TASOR2: variants seen among roughly 807,000 people sequenced by gnomAD.
TASOR2 encodes the protein protein TASOR 2.
A neutral mutation model predicts 199.5 loss-of-function variants in TASOR2; 84 were observed. The ratio of observed to expected loss-of-function variants is 0.42; its 90% confidence interval spans 0.35 to 0.50. TASOR2 has a LOEUF of 0.50. TASOR2 is among the 20% of genes least tolerant of loss of function. The probability of loss-of-function intolerance (pLI) is 0.02; values close to 1 mark genes in which losing one functional copy is unlikely to be tolerated. For synonymous variants in TASOR2, 1,103 were observed against 1,046.6 expected (o/e 1.05, Z -1.04); for missense variants, 2,796 against 2,835.9 (o/e 0.99, Z 0.32).
At position 5,720,256 on chromosome 10, in the gene TASOR2, C is replaced by T. The variant is rs1350858519; in HGVS notation, c.-99-288C>T. On this transcript the variant is annotated intron_variant, in intron 3 of 20. Transcript: ENST00000328090. This position sits in a 1 kb window ranked among gnomAD's most constrained non-coding sequence, Gnocchi z 5.3. ...TCTGATTAGTTTTAATATTTTCATT[C>T]TAGGGAAAAGTCAAGTTTGTGTCTG... 7 of 985,084 alleles carry T rather than the reference C, an allele frequency of 7.1e-6. No individual in the cohort carries two copies. The highest frequency in any genetic ancestry group is 4.7e-5 in the South Asian group (1 of 21,286). The allele number at this position is 985,084 out of a possible 1,614,324, so 61.0% of individuals were successfully genotyped here.
rs1022326619 is a variant in TASOR2 at position 5,689,917 on chromosome 10, G to A, written c.-288+4742G>A. 2.0e-5 allele frequency among the ~76,000 whole-genome samples: 3 copies of A among 152,038 alleles called. No homozygotes were observed. The highest frequency in any genetic ancestry group is 4.8e-5 in the African/African-American group (2 of 41,392). ...TCTGGAACTAGTCTTTTGGAAGAGG[G>A]GGTAGAGTTTTTGACTACTCTTTTC... On this transcript the variant is annotated intron_variant, in intron 1 of 20. Coordinates refer to ENST00000328090, the Ensembl canonical transcript of TASOR2. The surrounding 1 kb of genome is among the most constrained non-coding windows in gnomAD (Gnocchi z 4.1).
At chr10:5,759,060 A>G in intron 18 of TASOR2, 68 bp downstream of exon 19, 1 of 1,115,304 alleles carries the variant, frequency 9.0e-7, no homozygotes, top group South Asian at 1.3e-5. Context: ...CTCATGTTCC[A>G]TGGGCTCTAG....
chr10:5,762,253 TAAAAAA>T lies in TASOR2; in HGVS notation c.7175-266_7175-261del, dbSNP rs33954327. Among the ~76,000 whole-genome samples, 29 of 139,968 alleles carry T rather than the reference TAAAAAA, an allele frequency of 2.1e-4. 1 individual carries two copies. The highest frequency in any genetic ancestry group is 3.5e-3 in the Middle Eastern group (1 of 282). 91.8% of individuals were successfully genotyped at this position (139,968 alleles called of 152,430 possible). A position where few individuals can be genotyped will look rare whatever the true frequency, so the allele number is the denominator to read the frequency against. On this transcript the variant is annotated intron_variant, in intron 19 of 20. Transcript: ENST00000328090. ...GGCAGAACAAGACCCTATCTATCTT[TAAAAAA>T]AAAAAAAAAAAAGTGTTAAGAAAAA...
At chr10:5,725,616 A>G in intron 8 of TASOR2, among the ~76,000 whole-genome samples, 1 of 43,716 alleles carries the variant, frequency 2.3e-5, no homozygotes, top group South Asian at 5.5e-4. Context: ...AAATTAAAAA[A>G]CTTTTTTTTT....
At chr10:5,761,680 A>C in intron 19 of TASOR2, 2 of 560,264 alleles carry the variant, frequency 3.6e-6, no homozygotes, top group South Asian at 4.6e-5. Flanking sequence ...TATGTAAGTC[A>C]GTTCTAGATT....
exon 21 of TASOR2, chr10:5,763,151 T>G (rs1840147941): frequency 2.1e-6 from 2 of 957,864 alleles, no homozygotes; most frequent in African/African-American, 3.4e-5. Flanking sequence ...AAAACCAATG[T>G]TCTACAACTT....
In TASOR2 at chr10:5,761,291, G is replaced by A. The variant is rs779191947; in HGVS notation, c.6994G>A (p.Val2332Met). 3.7e-6 allele frequency: 6 copies of A among 1,610,596 alleles called. No homozygotes were observed. The Admixed American group carries it at 8.4e-5, about 22-fold the overall frequency. The change falls in exon 19 of 21, where the codon GTG (valine) becomes ATG (methionine). Residue 2332 changes from valine (V) to methionine (M), a missense_variant and splice_region_variant. Val to Met is a conservative substitution (Grantham distance 21, BLOSUM62 1). This residue lies in a region of TASOR2 where 1,941 missense variants were observed against 1,924.9 expected (regional missense o/e 1.01). Transcript: ENST00000328090. The stretch of plus-strand genomic sequence containing the variant: ...AATATGCCTATGTATCTTTCACAGA[G>A]TGGATTCAACTGCACATAAGAAGAA...
At position 5,697,574 on chromosome 10, in the gene TASOR2, G is replaced by C. The variant is rs1837312258; in HGVS notation, c.-288+12399G>C. On this transcript the variant is annotated intron_variant, in intron 1 of 20. Coordinates refer to ENST00000328090, the Ensembl canonical transcript of TASOR2. ...GTGCTAATAAAGTACTCCTAGAAATGAGTGCATAACCTTGGAAAGCAAGGG... is the reference window on the plus strand; with the variant it reads ...GTGCTAATAAAGTACTCCTAGAAATCAGTGCATAACCTTGGAAAGCAAGGG... 1.3e-5 allele frequency among the ~76,000 whole-genome samples: 2 copies of C among 152,176 alleles called. 1 individual carries two copies. Among genetic ancestry groups the C allele is most frequent in the Admixed American group, 1.3e-4 (2 of 15,284 alleles).
In TASOR2 at chr10:5,737,040, A is replaced by G. The variant is rs980690033; in HGVS notation, c.1447+1494A>G. Among the ~76,000 whole-genome samples, 6 of 152,120 alleles carry G rather than the reference A, an allele frequency of 3.9e-5. No individual in the cohort carries two copies. Among genetic ancestry groups the G allele is most frequent in the African/African-American group, 1.4e-4 (6 of 41,412 alleles). On this transcript the variant is annotated intron_variant, in intron 12 of 20. Coordinates refer to ENST00000328090, the Ensembl canonical transcript of TASOR2. The surrounding 1 kb of genome is among the most constrained non-coding windows in gnomAD (Gnocchi z 4.9). ...AGTAGCACGATCTCGGCTCACTGCA[A>G]CCTCTGCCTCCCAGGTTCAAGCAGT...
At chr10:5,711,999 A>T (rs11254493) in intron 1 of TASOR2, among the ~76,000 whole-genome samples, 2,510 of 148,576 alleles carry the variant, frequency 0.017, 67 homozygotes, top group African/African-American at 0.058. Flanking sequence ...GTATATATTT[A>T]AAAAAAAAAG....
Position 5,750,103 on chromosome 10 carries a change from AGC to A in TASOR2, c.6606+77_6606+78del. On this transcript the variant is annotated intron_variant, in intron 15 of 20. Coordinates refer to ENST00000328090, the Ensembl canonical transcript of TASOR2. The surrounding 1 kb of genome is among the most constrained non-coding windows in gnomAD (Gnocchi z 5.4). Reference sequence around the variant, plus strand: ...TTAGAAATAATAAATTTAGCATATTAGCCATCAAAAAGAAATCATGGTATGAC... The same window carrying A: ...TTAGAAATAATAAATTTAGCATATTACATCAAAAAGAAATCATGGTATGAC... 1.4e-6 allele frequency: 2 copies of A among 1,437,886 alleles called. No homozygotes were observed. Among genetic ancestry groups the A allele is most frequent in the Non-Finnish European group, 1.8e-6 (2 of 1,084,036 alleles). The allele number at this position is 1,437,886 out of a possible 1,614,324, so 89.1% of individuals were successfully genotyped here. A position where few individuals can be genotyped will look rare whatever the true frequency, so the allele number is the denominator to read the frequency against.
Position 5,748,392 on chromosome 10 carries a change from G to A in TASOR2, c.4971G>A (p.Thr1657=), listed in dbSNP as rs987137790. 11 of 1,614,188 alleles carry A rather than the reference G, an allele frequency of 6.8e-6. No individual in the cohort carries two copies. The highest frequency in any genetic ancestry group is 1.1e-5 in the South Asian group (1 of 91,080). The change falls in exon 15 of 21, where the codon ACG becomes ACA. Residue 1657 remains threonine, a synonymous_variant. Coordinates refer to ENST00000328090, the Ensembl canonical transcript of TASOR2. This position sits in a 1 kb window ranked among gnomAD's most constrained non-coding sequence, Gnocchi z 5.1. Reference sequence around the variant, plus strand: ...GATGCATGTGCTCAGTGGTCCCCACGCTTTGTTCTTCCTCAGACAATGCTA... The same window carrying A: ...GATGCATGTGCTCAGTGGTCCCCACACTTTGTTCTTCCTCAGACAATGCTA...
intron 2 of TASOR2, 79 bp from the exon 3 acceptor site, chr10:5,714,056 A>AT (rs1271712037): frequency 3.8e-5 from 20 of 532,826 alleles, no homozygotes; most frequent in South Asian, 3.1e-4. Context: ...AAAAAATAAA[A>AT]TTAAAAAAAA....
At chr10:5,741,436 A>G (rs1294766886) in intron 13 of TASOR2, among the ~76,000 whole-genome samples, 5 of 152,224 alleles carry the variant, frequency 3.3e-5, no homozygotes, top group Non-Finnish European at 5.9e-5. Flanking sequence ...CTGTTCATAT[A>G]TACTCATAAG....
intron 1 of TASOR2, among the ~76,000 whole-genome samples, chr10:5,700,916 T>C (rs1837752208): frequency 6.6e-6 from 1 of 152,042 alleles, no homozygotes. Context: ...GCAAATATTT[T>C]CTCCCATTCT....
intron 1 of TASOR2, among the ~76,000 whole-genome samples, chr10:5,695,054 G>C (rs1357550324): frequency 6.6e-6 from 1 of 151,968 alleles, no homozygotes. Context: ...GTCTAGTTTT[G>C]GTATTCGCAT....
rs1217512581 is a variant in TASOR2, at chr10:5,748,188, C to T, written c.4767C>T (p.Asp1589=). 9 of 1,614,080 alleles carry T rather than the reference C, an allele frequency of 5.6e-6. No individual in the cohort carries two copies. Among genetic ancestry groups the T allele is most frequent in the African/African-American group, 1.3e-5 (1 of 74,926 alleles). ...TTATTGAAAATAAGTCTTTGTCTGA[C>T]ACATTGGTTTCCACAACTGCACCAA... Residue 1589 remains aspartate, a synonymous_variant, in exon 15 of 21, where the codon GAC becomes GAT. Transcript: ENST00000328090. The surrounding 1 kb of genome is among the most constrained non-coding windows in gnomAD (Gnocchi z 5.1).
rs768004201 is a variant in TASOR2 at position 5,747,802 on chromosome 10, C to G, written c.4381C>G (p.Pro1461Ala). 11 of 1,613,878 alleles carry G rather than the reference C, an allele frequency of 6.8e-6. No individual in the cohort carries two copies. The South Asian group carries it at 1.1e-4, about 16-fold the overall frequency. Residue 1461 changes from proline to alanine, a missense_variant, in exon 15 of 21, where the codon CCA (proline) becomes GCA (alanine). Pro to Ala is a conservative substitution (Grantham distance 27). This residue lies in a region of TASOR2 where 1,941 missense variants were observed against 1,924.9 expected (regional missense o/e 1.01). Coordinates refer to ENST00000328090, the Ensembl canonical transcript of TASOR2. Reference sequence around the variant, plus strand: ...AAATGTTTTTGTTGGTCCTACCCATCCAGTGGGGCAAGATAACTTTACCCA... The same window carrying G: ...AAATGTTTTTGTTGGTCCTACCCATGCAGTGGGGCAAGATAACTTTACCCA...
In TASOR2 at chr10:5,754,175, C is replaced by T. The variant is rs974373963; in HGVS notation, c.6607-2438C>T. 2.6e-5 allele frequency among the ~76,000 whole-genome samples: 4 copies of T among 152,010 alleles called. No individual in the cohort carries two copies. Among genetic ancestry groups the T allele is most frequent in the East Asian group, 1.9e-4 (1 of 5,162 alleles). On this transcript the variant is annotated intron_variant, in intron 15 of 20. Coordinates refer to ENST00000328090, the Ensembl canonical transcript of TASOR2. This position sits in a 1 kb window ranked among gnomAD's most constrained non-coding sequence, Gnocchi z 4.3. ...AAAAAATTAGCCGGGTGTGGCGGCG[C>T]GCGCTTGTGGTACTCGGGAGGCTAA...
Sources: allele counts gnomAD v4.1 joint callset (sites outside exome capture counted in the v4.1 genomes callset), GRCh38; gene constraint gnomAD v4.1.1; regional missense constraint gnomAD v4.1.1; non-coding constraint Gnocchi (gnomAD v3.1); transcripts MANE v1.5; gene names NCBI Gene and HGNC (gene_info 2026-07-23, HGNC 2026-07-21).